PARL: variants seen among roughly 807,000 people sequenced by gnomAD.
The protein encoded by PARL is presenilin-associated rhomboid-like protein, mitochondrial.
PARL carries 44 observed loss-of-function variants against 51.6 expected under a neutral mutation model. The observed-to-expected ratio is 0.85, with a 90% CI of 0.67 to 1.10. The LOEUF (loss-of-function observed/expected upper bound fraction) is 1.10, where lower values mean the gene tolerates loss of function less well. Among genes scored for constraint, PARL ranks in the 50% least tolerant of loss-of-function variants. PARL has a pLI of 0.00. For synonymous variants in PARL, 172 were observed against 164.0 expected (o/e 1.05, Z -0.37); for missense variants, 441 against 469.5 (o/e 0.94, Z 0.56).
At chr3:183,841,037 G>A (rs993522907) in intron 6 of PARL, among the ~76,000 whole-genome samples, 5 of 151,972 alleles carry the variant, frequency 3.3e-5, no homozygotes, top group Admixed American at 1.3e-4. Flanking sequence ...TGAGCGACAC[G>A]GTCATTCACT....
intron 9 of PARL, among the ~76,000 whole-genome samples, chr3:183,833,169 G>A (rs999793166): frequency 6.6e-6 from 1 of 152,148 alleles, no homozygotes; most frequent in African/African-American, 2.4e-5. Flanking sequence ...AGTCTGAAGG[G>A]GAAAAAGAAG....
chr3:183,875,536 T>C (rs1733708381), intron 1 of PARL, among the ~76,000 whole-genome samples: 1 of 150,922 alleles, frequency 6.6e-6, no homozygotes, highest in Non-Finnish European at 1.5e-5. Context: ...CCACAGCCAA[T>C]CTAGAGCAAG....
intron 4 of PARL, 61 bp downstream of exon 4, chr3:183,862,692 T>C: frequency 7.7e-7 from 1 of 1,295,680 alleles, no homozygotes; most frequent in Non-Finnish European, 1.1e-6. Context: ...TGTGACATAC[T>C]GTACCTTTTG....
intron 1 of PARL, among the ~76,000 whole-genome samples, chr3:183,879,980 C>T (rs185656823): frequency 1.3e-4 from 19 of 151,760 alleles, no homozygotes; most frequent in African/African-American, 4.6e-4. Flanking sequence ...ATCTGCCTGC[C>T]TCGGCCTCCC....
intron 1 of PARL, among the ~76,000 whole-genome samples, chr3:183,882,348 T>C (rs534188063): frequency 2.9e-4 from 42 of 144,638 alleles, no homozygotes; most frequent in Admixed American, 7.1e-4. Context: ...CACACACATA[T>C]ATACATATAT....
At chr3:183,866,456 T>C (rs1162853919) in intron 3 of PARL, among the ~76,000 whole-genome samples, 169 bp downstream of exon 3, 4 of 152,224 alleles carry the variant, frequency 2.6e-5, no homozygotes, top group Non-Finnish European at 5.9e-5. Flanking sequence ...AATTCAAATA[T>C]ACCTAGCATA....
intron 4 of PARL, 21 bp downstream of exon 4, chr3:183,862,732 A>C: frequency 6.2e-7 from 1 of 1,602,888 alleles, no homozygotes; most frequent in Non-Finnish European, 8.5e-7. Context: ...GAATGGTTAA[A>C]ACGTGTAAGC....
intron 4 of PARL, among the ~76,000 whole-genome samples, chr3:183,861,929 A>G (rs894226396): frequency 6.6e-6 from 1 of 151,962 alleles, no homozygotes; most frequent in Admixed American, 6.6e-5. Flanking sequence ...ACGCACCACC[A>G]CACCTGGCTA....
intron 3 of PARL, among the ~76,000 whole-genome samples, chr3:183,864,373 T>C (rs140540240): frequency 1.3e-5 from 2 of 152,150 alleles, no homozygotes; most frequent in South Asian, 2.1e-4. Flanking sequence ...ACTCTCCAGA[T>C]TGGAAGGGCA....
chr3:183,874,320 A>G (rs1733544337), intron 1 of PARL, among the ~76,000 whole-genome samples: 1 of 151,852 alleles, frequency 6.6e-6, no homozygotes, highest in African/African-American at 2.4e-5. Flanking sequence ...CAATATTGAC[A>G]CTGGTCAATT....
At chr3:183,862,618 T>C in intron 4 of PARL, 135 bp downstream of exon 4, 1 of 717,336 alleles carries the variant, frequency 1.4e-6, no homozygotes. Context: ...TACTATTACA[T>C]TAGCCTATCA....
chr3:183,879,879 A>ATTTTTTTTTTTTTTT (rs532111761), intron 1 of PARL: 1 of 131,308 alleles, frequency 7.6e-6, no homozygotes, highest in Non-Finnish European at 1.6e-5. Context: ...ACCAGGACTG[A>ATTTTTTTTTTTTTTT]TTTTTTTTTT....
intron 3 of PARL, among the ~76,000 whole-genome samples, chr3:183,865,793 G>A (rs1343616979): frequency 6.6e-6 from 1 of 152,086 alleles, no homozygotes; most frequent in Non-Finnish European, 1.5e-5. Flanking sequence ...CTTTAGTAGA[G>A]CTGAGATCCA....
In PARL at chr3:183,833,779, G is replaced by A. The variant is rs766014244; in HGVS notation, c.875C>T (p.Pro292Leu). Residue 292 changes from proline to leucine, a missense_variant, in exon 8 of 10, where the codon CCA (proline) becomes CTA (leucine). Transcript: ENST00000317096. ...GAAAATAATGGCAAGCCTCCCTTCTGGGATCTTAGTGCAGACAGCTGCGAG... is the reference window on the plus strand; with the variant it reads ...GAAAATAATGGCAAGCCTCCCTTCTAGGATCTTAGTGCAGACAGCTGCGAG... ...TVLAAVCTKI[P>L]EGRLAIIFLP... 1 of 1,613,446 alleles carries A rather than the reference G, an allele frequency of 6.2e-7. No individual in the cohort carries two copies.
downstream of PARL, among the ~76,000 whole-genome samples, chr3:183,828,997 C>G (rs150305637): frequency 1.6e-3 from 251 of 152,298 alleles, no homozygotes; most frequent in Non-Finnish European, 1.8e-3. Context: ...AGATTCAAGT[C>G]TGAATTTACC....
At chr3:183,876,806 T>A (rs2108709270) in intron 1 of PARL, among the ~76,000 whole-genome samples, 1 of 151,874 alleles carries the variant, frequency 6.6e-6, no homozygotes, top group East Asian at 1.9e-4. Flanking sequence ...TGAGAGGAGG[T>A]CAAAATACCA....
At chr3:183,861,751 C>A (rs1731854642) in intron 4 of PARL, among the ~76,000 whole-genome samples, 1 of 152,010 alleles carries the variant, frequency 6.6e-6, no homozygotes, top group East Asian at 1.9e-4. Context: ...ATAATTTTTT[C>A]TTTTCTATGC....
At chr3:183,827,781 G>A (rs547594110), downstream of PARL, among the ~76,000 whole-genome samples, 187 of 152,314 alleles carry the variant, frequency 1.2e-3, 2 homozygotes, top group African/African-American at 4.3e-3. Flanking sequence ...GGAACCATGC[G>A]TGTGTTGCAG....
At chr3:183,841,936 C>T (rs1261312705) in intron 6 of PARL, among the ~76,000 whole-genome samples, 1 of 152,052 alleles carries the variant, frequency 6.6e-6, no homozygotes, top group South Asian at 2.1e-4. Flanking sequence ...TTGAGGCAGC[C>T]GGGAAGTCTG....
Sources: allele counts gnomAD v4.1 joint callset (sites outside exome capture counted in the v4.1 genomes callset), GRCh38; gene constraint gnomAD v4.1.1; transcripts MANE v1.5; gene names NCBI Gene and HGNC (gene_info 2026-07-23, HGNC 2026-07-21).